Variants in WDFY3 observed in about 807,000 individuals in gnomAD.
WDFY3 encodes the protein WD repeat and FYVE domain-containing protein 3.
A neutral mutation model predicts 409.6 loss-of-function variants in WDFY3; 66 were observed. The ratio of observed to expected loss-of-function variants is 0.16; its 90% CI spans 0.13 to 0.20. The LOEUF (loss-of-function observed/expected upper bound fraction) is 0.20, where lower values mean the gene tolerates loss of function less well. Among genes scored for constraint, WDFY3 ranks in the 10% least tolerant of loss-of-function variants. The pLI, the probability that WDFY3 is intolerant of heterozygous loss-of-function variation, is 1.00. For synonymous variants in WDFY3, 1,521 were observed against 1,537.1 expected (o/e 0.99, Z 0.25); for missense variants, 3,031 against 4,298.1 (o/e 0.71, Z 8.24).
chr4:84,726,763 A>C (rs1326157740), intron 45 of WDFY3, 98 bp downstream of exon 45: 3 of 1,035,334 alleles, frequency 2.9e-6, no homozygotes, highest in Non-Finnish European at 4.2e-6. Context: ...CCAATCTTTT[A>C]AGTTAGTCTA....
chr4:84,730,903 C>A (rs1736488715), intron 44 of WDFY3, among the ~76,000 whole-genome samples: 1 of 152,008 alleles, frequency 6.6e-6, no homozygotes, highest in Non-Finnish European at 1.5e-5. Flanking sequence ...CTGGTTCAAG[C>A]AATTCTGTCT....
At chr4:84,759,035 T>C (rs1741994319) in intron 32 of WDFY3, among the ~76,000 whole-genome samples, 1 of 152,220 alleles carries the variant, frequency 6.6e-6, no homozygotes, top group Admixed American at 6.5e-5. Context: ...TAGGCAGTTT[T>C]CCCAGCACCA....
At chr4:84,720,451 G>A (rs1734668863) in intron 47 of WDFY3, among the ~76,000 whole-genome samples, 1 of 152,158 alleles carries the variant, frequency 6.6e-6, no homozygotes, top group Admixed American at 6.5e-5. Flanking sequence ...GTTTGCATAT[G>A]TGTCCCCTCC....
chr4:84,785,346 C>A (rs1747363627), intron 24 of WDFY3, among the ~76,000 whole-genome samples: 1 of 152,074 alleles, frequency 6.6e-6, no homozygotes, highest in African/African-American at 2.4e-5. Flanking sequence ...ACTCCCACAC[C>A]CATAGGTATA....
intron 1 of WDFY3, among the ~76,000 whole-genome samples, chr4:84,935,877 C>T (rs965852140): frequency 6.6e-6 from 1 of 152,150 alleles, no homozygotes; most frequent in Admixed American, 6.5e-5. Flanking sequence ...ATTCTAACTA[C>T]AATATGTAAT....
chr4:84,784,881 TATATATATATACAC>T (rs1251774174), intron 24 of WDFY3, among the ~76,000 whole-genome samples: 5 of 87,322 alleles, frequency 5.7e-5, no homozygotes, highest in East Asian at 3.6e-4. Flanking sequence ...TATATATATA[TATATATATATACAC>T]ACACACACAC....
chr4:84,799,888 A>T (rs1283185983), intron 17 of WDFY3, among the ~76,000 whole-genome samples: 4 of 152,178 alleles, frequency 2.6e-5, no homozygotes, highest in African/African-American at 9.7e-5. Context: ...AACTGACCAT[A>T]CCCAATGGTT....
intron 3 of WDFY3, among the ~76,000 whole-genome samples, chr4:84,870,066 GTTA>G (rs997945632): frequency 6.6e-6 from 1 of 152,100 alleles, no homozygotes; most frequent in African/African-American, 2.4e-5. Context: ...ACCGCATTAT[GTTA>G]TTATAATCAT....
At chr4:84,908,339 T>C (rs1406299408) in intron 2 of WDFY3, among the ~76,000 whole-genome samples, 1 of 152,198 alleles carries the variant, frequency 6.6e-6, no homozygotes, top group Non-Finnish European at 1.5e-5. Flanking sequence ...GATAGAACTT[T>C]ATGATTGATT....
intron 51 of WDFY3, among the ~76,000 whole-genome samples, chr4:84,711,218 G>C (rs1408349220): frequency 3.3e-5 from 5 of 152,326 alleles, no homozygotes; most frequent in Non-Finnish European, 5.9e-5. Flanking sequence ...TACCTAGAAG[G>C]CCTCGCTAAG....
chr4:84,814,808 G>C (rs1183386426), intron 13 of WDFY3, among the ~76,000 whole-genome samples: 1 of 152,012 alleles, frequency 6.6e-6, no homozygotes, highest in East Asian at 1.9e-4. Flanking sequence ...TGTTATCACA[G>C]GTATGAATAT....
At position 84,801,718 on chromosome 4, in the gene WDFY3, T is replaced by G. The variant is rs1475096378; in HGVS notation, c.2754A>C (p.Ser918=). Residue 918 remains serine (S), a synonymous_variant, in exon 17 of 68, where the codon TCA becomes TCC. Coordinates refer to ENST00000295888, the MANE Select transcript of WDFY3 (RefSeq NM_014991.6). ...CSAALADEDH[S]LHPPLQRMFE... Reference sequence around the variant, plus strand: ...ACATCCGCTGCAGGGGCGGGTGCAGTGAGTGGTCCTCATCAGCCAATGCAG... The same window carrying G: ...ACATCCGCTGCAGGGGCGGGTGCAGGGAGTGGTCCTCATCAGCCAATGCAG... 2 of 1,612,568 alleles carry G rather than the reference T, an allele frequency of 1.2e-6. No homozygotes were observed. The highest frequency in any genetic ancestry group is 1.7e-6 in the Non-Finnish European group (2 of 1,179,718).
chr4:84,683,610 G>A (rs112592480), intron 63 of WDFY3, among the ~76,000 whole-genome samples: 7 of 152,068 alleles, frequency 4.6e-5, no homozygotes, highest in African/African-American at 1.7e-4. Context: ...TTTTCCCTAC[G>A]AAGCCATTTG....
intron 59 of WDFY3, among the ~76,000 whole-genome samples, chr4:84,692,372 C>A (rs1260751093): frequency 6.6e-6 from 1 of 151,466 alleles, no homozygotes; most frequent in East Asian, 1.9e-4. Context: ...TATTTTTAAG[C>A]GACAACTTCA....
In WDFY3 at chr4:84,672,108, G is replaced by A. The variant is rs1001153088; in HGVS notation, c.*760C>T. On this transcript the variant is annotated 3_prime_UTR_variant, in exon 68 of 68. Coordinates refer to ENST00000295888, the MANE Select transcript of WDFY3 (RefSeq NM_014991.6). Reference sequence around the variant, plus strand: ...GGTGGTGCGTAGCCAGGTACAAGACGCCCAAATATTTCCAGTTTATCTTAC... The same window carrying A: ...GGTGGTGCGTAGCCAGGTACAAGACACCCAAATATTTCCAGTTTATCTTAC... The A allele has an allele frequency of 2.0e-5, 3 of 152,148 alleles. No homozygotes were observed. Among genetic ancestry groups the A allele is most frequent in the African/African-American group, 4.8e-5 (2 of 41,416 alleles). The allele number at this position is 152,148 out of a possible 1,614,324, so 9.4% of individuals were successfully genotyped here.
intron 29 of WDFY3, among the ~76,000 whole-genome samples, chr4:84,774,385 T>C (rs557931324): frequency 1.4e-3 from 220 of 152,358 alleles, no homozygotes; most frequent in Admixed American, 3.7e-3. Context: ...AGTGTGGATA[T>C]GCAACAGATT....
chr4:84,752,442 G>A (rs1179803096), intron 35 of WDFY3, among the ~76,000 whole-genome samples: 3 of 151,510 alleles, frequency 2.0e-5, no homozygotes, highest in Non-Finnish European at 4.4e-5. Flanking sequence ...CAGGAGAATC[G>A]CTTGAACTTG....
chr4:84,917,633 A>G (rs976727184), intron 2 of WDFY3, among the ~76,000 whole-genome samples: 2 of 152,156 alleles, frequency 1.3e-5, no homozygotes, highest in Admixed American at 1.3e-4. Context: ...TATTAAACAC[A>G]GCAAATTCAT....
In WDFY3 at chr4:84,817,491, C is replaced by T; in HGVS notation, c.1788G>A (p.Leu596=). ...CATCGTCCCCATTTGGGGAGAGCAC[C>T]AGCTGTTGGATAGTCATCAAGGCAT... ...RQHALMTIQQ[L]VLSPNGDDDM... The change falls in exon 13 of 68, where the codon CTG becomes CTA. Residue 596 remains leucine (L), a synonymous_variant. Transcript: ENST00000295888. 1.2e-6 allele frequency: 2 copies of T among 1,613,778 alleles called. No homozygotes were observed. Among genetic ancestry groups the T allele is most frequent in the African/African-American group, 1.3e-5 (1 of 74,990 alleles).
Sources: gnomAD v4.1 joint callset for allele counts (sites outside exome capture counted in the v4.1 genomes callset) on GRCh38, gnomAD v4.1.1 for gene constraint, MANE v1.5 for transcripts, NCBI Gene and HGNC (gene_info 2026-07-23, HGNC 2026-07-21) for gene names.